The following BCAS3 variants were observed in gnomAD, a reference collection of about 807,000 sequenced individuals.
BCAS3 encodes BCAS3 microtubule associated cell migration factor, also known as BCAS4/BCAS3 fusion.
A neutral mutation model predicts 116.1 loss-of-function variants in BCAS3; 53 were observed. That is an observed-to-expected ratio of 0.46 (90% CI 0.37 to 0.57). The LOEUF is 0.57. BCAS3 is among the 20% of genes least tolerant of loss of function. The pLI is 0.00. For synonymous variants in BCAS3, 391 were observed against 408.2 expected (o/e 0.96, Z 0.51); for missense variants, 917 against 1,165.4 (o/e 0.79, Z 3.10).
intron 14 of BCAS3, among the ~76,000 whole-genome samples, chr17:60,965,335 C>T (rs1340118282): frequency 6.6e-6 from 1 of 151,112 alleles, no homozygotes; most frequent in African/African-American, 2.4e-5. Flanking sequence ...GATTCTCCTG[C>T]CTCAGCCTCC....
At chr17:60,969,037 C>T (rs1413173236) in intron 14 of BCAS3, among the ~76,000 whole-genome samples, 2 of 148,080 alleles carry the variant, frequency 1.4e-5, no homozygotes, top group African/African-American at 5.0e-5. Context: ...CAGGCAGAAT[C>T]GGGGGAGGGG....
chr17:61,290,415 A>G (rs1474667787), intron 22 of BCAS3, among the ~76,000 whole-genome samples: 1 of 152,238 alleles, frequency 6.6e-6, no homozygotes, highest in Non-Finnish European at 1.5e-5. Flanking sequence ...GGGGTTTATT[A>G]TACCATTCTC....
intron 22 of BCAS3, among the ~76,000 whole-genome samples, chr17:61,290,225 A>C (rs1322033551): frequency 1.3e-5 from 2 of 152,230 alleles, no homozygotes; most frequent in South Asian, 4.1e-4. Flanking sequence ...GTCAAATGTC[A>C]TATTTTGGCT....
intron 22 of BCAS3, among the ~76,000 whole-genome samples, chr17:61,092,615 T>G (rs2143601332): frequency 6.6e-6 from 1 of 152,344 alleles, no homozygotes; most frequent in Middle Eastern, 3.4e-3. Context: ...TGAGTAATGG[T>G]ATTGAGCATC....
chr17:61,236,032 G>A (rs2083030493), intron 22 of BCAS3, among the ~76,000 whole-genome samples: 10 of 152,204 alleles, frequency 6.6e-5, no homozygotes, highest in Admixed American at 6.5e-4. Context: ...TTGTGAGCTT[G>A]GAATGTTACA....
In BCAS3 at chr17:60,918,762, G is replaced by A. The variant is rs111486488; in HGVS notation, c.994-5645G>A. ...CGCTGGAGTGCAGTGGCGCGATCTT[G>A]GCTCACTGCAAGCTCCGCATCCCGG... On this transcript the variant is annotated intron_variant, in intron 12 of 23. Coordinates refer to ENST00000407086, the MANE Select transcript of BCAS3 (RefSeq NM_017679.5). Among the ~76,000 whole-genome samples the A allele has an allele frequency of 3.7e-3, 543 of 146,214 alleles. 3 individuals are homozygous for A. The highest frequency in any genetic ancestry group is 0.013 in the African/African-American group (516 of 39,494).
At chr17:61,236,566 C>T (rs898543461) in intron 22 of BCAS3, among the ~76,000 whole-genome samples, 1 of 152,104 alleles carries the variant, frequency 6.6e-6, no homozygotes, top group South Asian at 2.1e-4. Flanking sequence ...GTGATCCACC[C>T]GCCTCGGCCT....
chr17:60,784,961 G>A (rs2046161022), intron 6 of BCAS3, among the ~76,000 whole-genome samples: 1 of 151,878 alleles, frequency 6.6e-6, no homozygotes, highest in African/African-American at 2.4e-5. Context: ...GCTGGGCGTG[G>A]TGGCAGGCGC....
intron 14 of BCAS3, among the ~76,000 whole-genome samples, chr17:60,987,556 CTTTT>C (rs756325264): frequency 9.2e-5 from 14 of 151,776 alleles, no homozygotes; most frequent in Non-Finnish European, 1.6e-4. Context: ...AGATCTTTCA[CTTTT>C]TTTGTTAATC....
In BCAS3 at chr17:61,217,120, A is replaced by G. The variant is rs1204367541; in HGVS notation, c.2425+132556A>G. Among the ~76,000 whole-genome samples, 1 of 151,712 alleles carries G rather than the reference A, an allele frequency of 6.6e-6. No individual in the cohort carries two copies. The highest frequency in any genetic ancestry group is 2.4e-5 in the African/African-American group (1 of 41,326). On this transcript the variant is annotated intron_variant, in intron 22 of 23. Coordinates refer to ENST00000407086, the MANE Select transcript of BCAS3 (RefSeq NM_017679.5). This position sits in a 1 kb window ranked among gnomAD's most constrained non-coding sequence, Gnocchi z 5.2. ...CACGGTGAAACCCCGTCTCTACTAA[A>G]AAAATACAAAAAATTAGCTGGGTGT...
At chr17:60,695,549 AAT>A in intron 4 of BCAS3, among the ~76,000 whole-genome samples, 1 of 152,222 alleles carries the variant, frequency 6.6e-6, no homozygotes. Flanking sequence ...ATCATATGGT[AAT>A]TCTTTTTTAA....
chr17:60,924,640 T>C, intron 13 of BCAS3, 140 bp downstream of exon 13: 1 of 542,772 alleles, frequency 1.8e-6, no homozygotes, highest in Non-Finnish European at 3.1e-6. Context: ...GTCATTATAT[T>C]GAATAAAGGA....
At chr17:60,799,543 T>TTTTTTTTTTTTTTTTG (rs1378665239) in intron 6 of BCAS3, among the ~76,000 whole-genome samples, 1 of 141,820 alleles carries the variant, frequency 7.1e-6, no homozygotes. Context: ...TTTTTTTTTT[T>TTTTTTTTTTTTTTTTG]TTGGAGACAG....
At chr17:60,763,032 T>G (rs562965599) in intron 6 of BCAS3, among the ~76,000 whole-genome samples, 6 of 152,352 alleles carry the variant, frequency 3.9e-5, no homozygotes, top group African/African-American at 1.4e-4. Flanking sequence ...TTGTGATTTT[T>G]GCACATTGAT....
In BCAS3 at chr17:61,355,321, A is replaced by C. The variant is rs537794334; in HGVS notation, c.2426-13006A>C. Among the ~76,000 whole-genome samples, 1 of 152,150 alleles carries C rather than the reference A, an allele frequency of 6.6e-6. No individual in the cohort carries two copies. Among genetic ancestry groups the C allele is most frequent in the Non-Finnish European group, 1.5e-5 (1 of 68,042 alleles). On this transcript the variant is annotated intron_variant, in intron 22 of 23. Coordinates refer to ENST00000407086, the MANE Select transcript of BCAS3 (RefSeq NM_017679.5). This position sits in a 1 kb window ranked among gnomAD's most constrained non-coding sequence, Gnocchi z 4.2. ...TCAGACTTCAAAGTTCTCAGTTGAG[A>C]GCCTCGTGTTTGACTTATTTGTGGA...
chr17:60,987,339 A>G (rs1046027361), intron 14 of BCAS3, among the ~76,000 whole-genome samples: 3 of 133,290 alleles, frequency 2.3e-5, no homozygotes, highest in African/African-American at 5.7e-5. Flanking sequence ...TTGTGGCTCT[A>G]TATACATTTT....
intron 10 of BCAS3, among the ~76,000 whole-genome samples, chr17:60,898,681 T>A (rs377401245): frequency 6.6e-6 from 1 of 152,150 alleles, no homozygotes; most frequent in Admixed American, 6.5e-5. Flanking sequence ...TTGTTGGTCT[T>A]CCAGGTAGCT....
intron 5 of BCAS3, among the ~76,000 whole-genome samples, chr17:60,724,975 CT>C (rs907495459): frequency 6.6e-6 from 1 of 152,060 alleles, no homozygotes; most frequent in African/African-American, 2.4e-5. Context: ...CCTCAGACTC[CT>C]GAGCAACTAG....
chr17:61,025,038 G>A (rs532086336), intron 16 of BCAS3, among the ~76,000 whole-genome samples: 3 of 152,108 alleles, frequency 2.0e-5, no homozygotes, highest in African/African-American at 7.2e-5. Flanking sequence ...ATTAAGAGAA[G>A]TTGTATACTA....
Sources: allele counts gnomAD v4.1 joint callset (sites outside exome capture counted in the v4.1 genomes callset), GRCh38; gene constraint gnomAD v4.1.1; non-coding constraint Gnocchi (gnomAD v3.1); transcripts MANE v1.5; gene names NCBI Gene and HGNC (gene_info 2026-07-23, HGNC 2026-07-21).